Variants in LINGO2 observed in about 807,000 individuals in gnomAD.
LINGO2 encodes the protein leucine rich repeat and Ig domain containing 2, also known as leucine-rich repeat and immunoglobulin-like domain-containing nogo receptor-interacting protein 2.
LINGO2 carries 14 observed loss-of-function variants against 30.6 expected under a neutral mutation model. The observed-to-expected ratio is 0.46, with a 90% confidence interval of 0.30 to 0.72. LINGO2 has a LOEUF of 0.72. Ranked by LOEUF, LINGO2 falls within the 30% of genes least tolerant of loss-of-function variation. LINGO2 has a pLI of 0.07. For synonymous variants in LINGO2, 317 were observed against 288.5 expected (o/e 1.10, Z -1.00); for missense variants, 729 against 751.7 (o/e 0.97, Z 0.35).
the LINGO2 span, among the ~76,000 whole-genome samples, chr9:28,738,339 C>A: frequency 5.3e-5 from 8 of 152,054 alleles, no homozygotes; most frequent in African/African-American, 1.9e-4. Context: ...ACCAAATAAA[C>A]CATATTAATA....
chr9:28,901,768 A>T, the LINGO2 span, among the ~76,000 whole-genome samples: 1 of 151,978 alleles, frequency 6.6e-6, no homozygotes, highest in African/African-American at 2.4e-5. Context: ...ACAAAGAAAG[A>T]TAGCAAGAGA....
At chr9:29,045,467 C>G in the LINGO2 span, among the ~76,000 whole-genome samples, 3 of 151,704 alleles carry the variant, frequency 2.0e-5, no homozygotes, top group Admixed American at 2.0e-4. Flanking sequence ...AAAATATTTT[C>G]TATAGTGTGC....
At chr9:28,690,056 C>A in the LINGO2 span, among the ~76,000 whole-genome samples, 2 of 152,020 alleles carry the variant, frequency 1.3e-5, no homozygotes, top group African/African-American at 4.8e-5. Context: ...GAACAACACA[C>A]AATACAACCT....
intron 4 of LINGO2, among the ~76,000 whole-genome samples, chr9:28,037,900 T>TAC (rs1168227060): frequency 6.6e-6 from 1 of 152,232 alleles, no homozygotes; most frequent in African/African-American, 2.4e-5. Flanking sequence ...GTAACTCATA[T>TAC]ACAGTGTCAC....
chr9:28,796,551 G>A, the LINGO2 span, among the ~76,000 whole-genome samples: 7 of 151,940 alleles, frequency 4.6e-5, no homozygotes, highest in Non-Finnish European at 1.0e-4. Flanking sequence ...CTATTGAAAT[G>A]TTCTCATTTT....
intron 1 of LINGO2, among the ~76,000 whole-genome samples, chr9:28,622,533 T>A (rs753461995): frequency 1.3e-5 from 2 of 152,012 alleles, no homozygotes; most frequent in African/African-American, 2.4e-5. Flanking sequence ...ATCTCATTAT[T>A]TATTTGTAAC....
At chr9:29,015,944 T>C in the LINGO2 span, among the ~76,000 whole-genome samples, 3 of 152,184 alleles carry the variant, frequency 2.0e-5, no homozygotes, top group African/African-American at 7.2e-5. Flanking sequence ...ATGGCCATCA[T>C]ATTTTCTTTA....
chr9:28,445,738 C>G (rs1385305937), intron 2 of LINGO2, among the ~76,000 whole-genome samples: 1 of 152,110 alleles, frequency 6.6e-6, no homozygotes, highest in African/African-American at 2.4e-5. Context: ...TAAGAATATA[C>G]AAGGCAAAAT....
the LINGO2 span, among the ~76,000 whole-genome samples, chr9:28,818,747 T>C: frequency 6.6e-6 from 1 of 152,188 alleles, no homozygotes; most frequent in African/African-American, 2.4e-5. Context: ...TCTGTAATTA[T>C]CAGTTTTCAA....
At chr9:28,368,566 G>A (rs1820765330) in intron 3 of LINGO2, among the ~76,000 whole-genome samples, 2 of 149,430 alleles carry the variant, frequency 1.3e-5, no homozygotes, top group African/African-American at 4.9e-5. Flanking sequence ...TCATTAGAGT[G>A]CCTTCTTTCT....
chr9:28,143,760 A>C lies in LINGO2; in HGVS notation c.-86-131355T>G, dbSNP rs190407483. Among the ~76,000 whole-genome samples, 170 of 152,224 alleles carry C rather than the reference A, an allele frequency of 1.1e-3. 3 individuals carry two copies. Among genetic ancestry groups the C allele is most frequent in the African/African-American group, 3.8e-3 (159 of 41,560 alleles). ...GAAACTTTAGTGTCAATATCAAGTA[A>C]ATTTTTCCAAGCATAAGAACTGCCT... On this transcript the variant is annotated intron_variant, in intron 4 of 5. Coordinates refer to ENST00000379992, the Ensembl canonical transcript of LINGO2.
chr9:29,180,966 A>G, the LINGO2 span, among the ~76,000 whole-genome samples: 3 of 152,220 alleles, frequency 2.0e-5, no homozygotes, highest in Non-Finnish European at 4.4e-5. Flanking sequence ...GATTTTATCT[A>G]TTCTATTAAT....
At chr9:28,800,319 G>T in the LINGO2 span, among the ~76,000 whole-genome samples, 1 of 151,886 alleles carries the variant, frequency 6.6e-6, no homozygotes, top group African/African-American at 2.4e-5. Context: ...TTTTGGTATG[G>T]CCTACCAGAA....
rs145467843 is a variant in LINGO2 at position 28,654,933 on chromosome 9, T to G, written c.-365+15267A>C. 3.8e-3 allele frequency among the ~76,000 whole-genome samples: 586 copies of G among 152,256 alleles called. 6 individuals are homozygous for G. Among genetic ancestry groups the G allele is most frequent in the African/African-American group, 0.013 (545 of 41,552 alleles). ...ATATCGTTAGGCACTTTTTGTTTGT[T>G]TGTTTTTTGCTGTGTGAAAATGCTG... On this transcript the variant is annotated intron_variant, in intron 1 of 5. Transcript: ENST00000379992.
intron 1 of LINGO2, among the ~76,000 whole-genome samples, chr9:28,508,373 C>T (rs1472219228): frequency 6.6e-6 from 1 of 152,058 alleles, no homozygotes; most frequent in Non-Finnish European, 1.5e-5. Flanking sequence ...TGACTTATAA[C>T]AGTATGTTAA....
chr9:28,550,498 T>C (rs1418675810), intron 1 of LINGO2, among the ~76,000 whole-genome samples: 3 of 151,870 alleles, frequency 2.0e-5, no homozygotes, highest in African/African-American at 7.2e-5. Flanking sequence ...TTTAATTCAA[T>C]ACACTTCTTA....
intron 5 of LINGO2, among the ~76,000 whole-genome samples, chr9:28,001,139 ATTTT>A (rs925531889): frequency 1.3e-5 from 2 of 151,836 alleles, no homozygotes; most frequent in Admixed American, 6.6e-5. Context: ...TTCCAAACAA[ATTTT>A]TTTTTAACTA....
intron 4 of LINGO2, among the ~76,000 whole-genome samples, chr9:28,193,119 T>C (rs1819880646): frequency 6.6e-6 from 1 of 152,146 alleles, no homozygotes; most frequent in Non-Finnish European, 1.5e-5. Flanking sequence ...CTCAAAGATT[T>C]ATGCTGGGAG....
intron 4 of LINGO2, among the ~76,000 whole-genome samples, chr9:28,205,445 G>A (rs1446073377): frequency 1.3e-5 from 2 of 152,092 alleles, no homozygotes; most frequent in Non-Finnish European, 2.9e-5. Flanking sequence ...TATCATCAAT[G>A]CCAAATTTAT....
Sources: allele counts gnomAD v4.1 joint callset (sites outside exome capture counted in the v4.1 genomes callset), GRCh38; gene constraint gnomAD v4.1.1; transcripts MANE v1.5; gene names NCBI Gene and HGNC (gene_info 2026-07-23, HGNC 2026-07-21).